The following MTCL3 variants were observed in gnomAD, a reference collection of about 807,000 sequenced individuals.
MTCL3 encodes the protein MTCL family member 3.
the MTCL3 span, among the ~76,000 whole-genome samples, chr6:127,500,770 AATT>A: frequency 6.6e-6 from 1 of 152,210 alleles, no homozygotes; most frequent in Non-Finnish European, 1.5e-5. Flanking sequence ...TCTCACATTA[AATT>A]AACAAAGAAC....
chr6:127,490,648 C>G, the MTCL3 span, among the ~76,000 whole-genome samples: 3 of 152,018 alleles, frequency 2.0e-5, no homozygotes, highest in African/African-American at 7.2e-5. Context: ...GAAACTCCGT[C>G]TCTACTAAAA....
At chr6:127,485,907 A>T in the MTCL3 span, among the ~76,000 whole-genome samples, 1 of 152,178 alleles carries the variant, frequency 6.6e-6, no homozygotes, top group Non-Finnish European at 1.5e-5. Flanking sequence ...CTTTTGAAGG[A>T]TATGCAAAAT....
the MTCL3 span, chr6:127,475,467 G>C: frequency 6.2e-7 from 1 of 1,613,440 alleles, no homozygotes; most frequent in Non-Finnish European, 8.5e-7. This position sits in a 1 kb window ranked among gnomAD's most constrained non-coding sequence, Gnocchi z 7.3. Flanking sequence ...CCATGAGTCC[G>C]AACAGGTCCC....
At chr6:127,479,910 T>C in the MTCL3 span, among the ~76,000 whole-genome samples, 17,674 of 152,174 alleles carry the variant, frequency 0.12, 1,413 homozygotes, top group Admixed American at 0.19. Flanking sequence ...TACATAATTA[T>C]TGATAAAAAA....
At chr6:127,494,182 G>A in the MTCL3 span, among the ~76,000 whole-genome samples, 1 of 152,252 alleles carries the variant, frequency 6.6e-6, no homozygotes, top group South Asian at 2.1e-4. Flanking sequence ...AAGCTTAAAT[G>A]TCTTTAAATT....
At chr6:127,509,184 G>A in the MTCL3 span, among the ~76,000 whole-genome samples, 5 of 152,178 alleles carry the variant, frequency 3.3e-5, no homozygotes, top group East Asian at 1.9e-4. Context: ...GGCAGCATTC[G>A]AAGAGGTCCC....
At chr6:127,514,087 G>A in the MTCL3 span, among the ~76,000 whole-genome samples, 1 of 152,176 alleles carries the variant, frequency 6.6e-6, no homozygotes, top group Non-Finnish European at 1.5e-5. Flanking sequence ...TTAATGTCTA[G>A]TTTGCATAGT....
the MTCL3 span, among the ~76,000 whole-genome samples, chr6:127,488,390 T>C: frequency 6.6e-6 from 1 of 152,252 alleles, no homozygotes. Context: ...TATTTGTTTG[T>C]TTCAATGTCT....
chr6:127,514,767 C>T, the MTCL3 span: 3 of 1,481,182 alleles, frequency 2.0e-6, no homozygotes, highest in African/African-American at 1.4e-5. Context: ...GAGCCCTTGG[C>T]CAAAGTCCCC....
the MTCL3 span, among the ~76,000 whole-genome samples, chr6:127,500,979 T>A: frequency 1.3e-5 from 2 of 152,016 alleles, no homozygotes; most frequent in Non-Finnish European, 2.9e-5. Context: ...GCCTGGCTAA[T>A]TTTTTTGTAT....
the MTCL3 span, chr6:127,483,128 C>A: frequency 5.1e-6 from 3 of 587,632 alleles, no homozygotes; most frequent in Non-Finnish European, 8.3e-6. Context: ...GAAAAAAAAT[C>A]CTAAACCAGA....
chr6:127,495,213 T>A, the MTCL3 span, among the ~76,000 whole-genome samples: 23 of 149,876 alleles, frequency 1.5e-4, no homozygotes, highest in African/African-American at 5.2e-4. Context: ...AAAAAAAAAA[T>A]TATTTTATAT....
the MTCL3 span, among the ~76,000 whole-genome samples, chr6:127,475,004 G>C: frequency 1.9e-4 from 29 of 152,240 alleles, no homozygotes; most frequent in Non-Finnish European, 3.7e-4. The surrounding 1 kb of genome is among the most constrained non-coding windows in gnomAD (Gnocchi z 7.3). Flanking sequence ...CTCAAAATCC[G>C]TTACTCTTTC....
chr6:127,477,707 G>A, the MTCL3 span, among the ~76,000 whole-genome samples: 1 of 152,130 alleles, frequency 6.6e-6, no homozygotes, highest in Non-Finnish European at 1.5e-5. Context: ...CTACTAATGG[G>A]AATATGAAGA....
the MTCL3 span, among the ~76,000 whole-genome samples, chr6:127,503,068 G>C: frequency 2.6e-5 from 4 of 152,136 alleles, no homozygotes; most frequent in Non-Finnish European, 4.4e-5. Flanking sequence ...GAGTATTATA[G>C]AGGATTATAG....
chr6:127,508,591 T>C, the MTCL3 span, among the ~76,000 whole-genome samples: 9,805 of 152,272 alleles, frequency 0.064, 374 homozygotes, highest in East Asian at 0.11. Context: ...AATTATTTTC[T>C]TTTAAGAATC....
chr6:127,501,159 A>G, the MTCL3 span, among the ~76,000 whole-genome samples: 1 of 152,216 alleles, frequency 6.6e-6, no homozygotes, highest in Non-Finnish European at 1.5e-5. Flanking sequence ...GGGAAAACTG[A>G]GAATTGTACA....
chr6:127,505,325 A>T, the MTCL3 span, among the ~76,000 whole-genome samples: 1 of 152,220 alleles, frequency 6.6e-6, no homozygotes, highest in Non-Finnish European at 1.5e-5. Context: ...TCACCATGGA[A>T]TAGTATGCAG....
chr6:127,489,454 C>T, the MTCL3 span, among the ~76,000 whole-genome samples: 1 of 152,246 alleles, frequency 6.6e-6, no homozygotes, highest in Non-Finnish European at 1.5e-5. Context: ...GTGACGTAGG[C>T]ATGTCCAAAG....
Sources: allele counts gnomAD v4.1 joint callset (sites outside exome capture counted in the v4.1 genomes callset), GRCh38; gene constraint gnomAD v4.1.1; non-coding constraint Gnocchi (gnomAD v3.1); transcripts MANE v1.5; gene names NCBI Gene and HGNC (gene_info 2026-07-23, HGNC 2026-07-21).